The following PRKN variants were observed in gnomAD, a reference collection of about 807,000 sequenced individuals.
The protein encoded by PRKN is E3 ubiquitin-protein ligase parkin.
PRKN carries 56 observed loss-of-function variants against 59.5 expected under a neutral mutation model. That is an observed-to-expected ratio of 0.94 (90% confidence interval 0.76 to 1.18). PRKN has a LOEUF of 1.18. PRKN is among the 50% of genes most tolerant of loss of function. PRKN has a pLI of 0.00. For synonymous variants in PRKN, 250 were observed against 222.1 expected, an observed-to-expected ratio of 1.13 and a Z score of -1.12; for missense variants, 657 against 596.4, an observed-to-expected ratio of 1.10 and a Z score of -1.06.
intron 1 of PRKN, among the ~76,000 whole-genome samples, chr6:162,530,136 A>AT (rs1491461537): frequency 9.4e-6 from 1 of 106,422 alleles, no homozygotes; most frequent in Non-Finnish European, 2.4e-5. Context: ...CTCAGTCTCA[A>AT]TAAAAAAAAA....
chr6:162,073,918 A>T (rs979963531), intron 4 of PRKN, among the ~76,000 whole-genome samples: 13 of 152,336 alleles, frequency 8.5e-5, no homozygotes, highest in Middle Eastern at 3.4e-3. Flanking sequence ...ATGCAAATCA[A>T]AATCACAATG....
intron 1 of PRKN, among the ~76,000 whole-genome samples, chr6:162,444,056 C>T (rs114973086): frequency 0.033 from 5,083 of 152,126 alleles, 294 homozygotes; most frequent in African/African-American, 0.11. Flanking sequence ...GGGGTGGAGA[C>T]ACTAGTGACA....
chr6:162,710,142 CT>C, intron 1 of PRKN, among the ~76,000 whole-genome samples: 1 of 152,208 alleles, frequency 6.6e-6, no homozygotes, highest in East Asian at 1.9e-4. Flanking sequence ...TGATATAGGT[CT>C]TTGTGCGGAC....
At chr6:162,594,770 C>A (rs1224390720) in intron 1 of PRKN, among the ~76,000 whole-genome samples, 1 of 152,216 alleles carries the variant, frequency 6.6e-6, no homozygotes, top group Non-Finnish European at 1.5e-5. Flanking sequence ...CCTGATGTGA[C>A]TGAACATGAT....
At chr6:162,408,539 C>A (rs1037704000) in intron 2 of PRKN, among the ~76,000 whole-genome samples, 1 of 152,052 alleles carries the variant, frequency 6.6e-6, no homozygotes, top group Non-Finnish European at 1.5e-5. Flanking sequence ...TCATTCAAGG[C>A]CTTTAAACCA....
intron 2 of PRKN, among the ~76,000 whole-genome samples, chr6:162,384,627 T>C (rs1182299680): frequency 2.1e-5 from 3 of 142,964 alleles, no homozygotes; most frequent in Non-Finnish European, 4.5e-5. Flanking sequence ...GATACAGGGT[T>C]GCCACAAAGC....
chr6:161,625,768 G>A (rs1783062770), intron 7 of PRKN, among the ~76,000 whole-genome samples: 1 of 152,206 alleles, frequency 6.6e-6, no homozygotes, highest in East Asian at 1.9e-4. Flanking sequence ...GCACACAAGT[G>A]TAAAATTTAA....
At position 161,575,316 on chromosome 6, in the gene PRKN, C is replaced by T. The variant is rs893860221; in HGVS notation, c.872-5900G>A. On this transcript the variant is annotated intron_variant, in intron 7 of 11. Coordinates refer to ENST00000366898, the MANE Select transcript of PRKN (RefSeq NM_004562.3). The surrounding 1 kb of genome is among the most constrained non-coding windows in gnomAD (Gnocchi z 4.6). ...CCATAAAGGTCATTTTATCATCTAA[C>T]GGGGAAGCTCCTCAATGAAAACGCG... is the stretch of plus-strand genomic sequence containing the variant. Among the ~76,000 whole-genome samples, 2 of 152,108 alleles carry T rather than the reference C, an allele frequency of 1.3e-5. No individual in the cohort carries two copies. The highest frequency in any genetic ancestry group is 2.4e-5 in the African/African-American group (1 of 41,422).
At chr6:161,406,322 T>C (rs1015297870) in intron 9 of PRKN, among the ~76,000 whole-genome samples, 23 of 152,056 alleles carry the variant, frequency 1.5e-4, no homozygotes, top group Non-Finnish European at 2.9e-5. Flanking sequence ...GAAGTTTAGT[T>C]TGATGTTATC....
At chr6:161,792,081 T>C (rs545444132) in intron 6 of PRKN, among the ~76,000 whole-genome samples, 1 of 152,304 alleles carries the variant, frequency 6.6e-6, no homozygotes, top group East Asian at 1.9e-4. Context: ...TGGCAGCCAG[T>C]TGGCAAGCCC....
rs1435080030 is a variant in PRKN, at chr6:161,454,355, G to A, written c.1084-67478C>T. 6.6e-6 allele frequency among the ~76,000 whole-genome samples: 1 copy of A among 152,182 alleles called. No homozygotes were observed. Among genetic ancestry groups the A allele is most frequent in the Non-Finnish European group, 1.5e-5 (1 of 68,036 alleles). ...CTTGGGTAATTCTCCATACTCTGAA[G>A]TTCTTGAAGAAGGCACTGGCTGGGG... On this transcript the variant is annotated intron_variant, in intron 9 of 11. Coordinates refer to ENST00000366898, the MANE Select transcript of PRKN (RefSeq NM_004562.3). This position sits in a 1 kb window ranked among gnomAD's most constrained non-coding sequence, Gnocchi z 4.6.
At chr6:161,501,310 G>A (rs1031307527) in intron 9 of PRKN, among the ~76,000 whole-genome samples, 3 of 152,136 alleles carry the variant, frequency 2.0e-5, no homozygotes, top group African/African-American at 7.2e-5. Context: ...TTGGGTTTTG[G>A]CCATTTTAGT....
At chr6:162,015,973 CAAGAT>C (rs1782919349) in intron 5 of PRKN, among the ~76,000 whole-genome samples, 1 of 152,020 alleles carries the variant, frequency 6.6e-6, no homozygotes, top group Non-Finnish European at 1.5e-5. Context: ...CATAAACTGA[CAAGAT>C]AAGTATTCAT....
At chr6:162,452,422 CA>C (rs1191089242) in intron 1 of PRKN, among the ~76,000 whole-genome samples, 1 of 131,556 alleles carries the variant, frequency 7.6e-6, no homozygotes, top group Non-Finnish European at 1.6e-5. Context: ...AATTCTATTC[CA>C]TGGGGAGTTT....
intron 1 of PRKN, among the ~76,000 whole-genome samples, chr6:162,619,172 C>G (rs2846527): frequency 0.54 from 78,854 of 145,094 alleles, 21,757 homozygotes; most frequent in African/African-American, 0.65. Flanking sequence ...GAGATGGAGT[C>G]TCTCTCTGTC....
At chr6:161,667,579 T>C (rs1784768772) in intron 7 of PRKN, among the ~76,000 whole-genome samples, 1 of 152,224 alleles carries the variant, frequency 6.6e-6, no homozygotes, top group Non-Finnish European at 1.5e-5. Flanking sequence ...CAGCCAACTA[T>C]AAACTCCTAG....
chr6:161,829,477 C>A (rs1000655094), intron 6 of PRKN, among the ~76,000 whole-genome samples: 6 of 152,116 alleles, frequency 3.9e-5, no homozygotes, highest in Admixed American at 2.0e-4. Context: ...GCTCTCTGTG[C>A]TCCCTGCGGT....
chr6:161,858,965 G>A (rs969999297), intron 6 of PRKN, among the ~76,000 whole-genome samples: 3 of 147,634 alleles, frequency 2.0e-5, no homozygotes, highest in Admixed American at 1.4e-4. Context: ...GGGTTCAAGC[G>A]ATTCTCCTAT....
intron 4 of PRKN, among the ~76,000 whole-genome samples, chr6:162,128,886 C>A (rs1781230893): frequency 6.6e-6 from 1 of 152,196 alleles, no homozygotes; most frequent in Admixed American, 6.6e-5. Context: ...ACACCTTGAT[C>A]TTGAAGTTCC....
Sources: allele counts gnomAD v4.1 joint callset (sites outside exome capture counted in the v4.1 genomes callset), GRCh38; gene constraint gnomAD v4.1.1; non-coding constraint Gnocchi (gnomAD v3.1); transcripts MANE v1.5; gene names NCBI Gene and HGNC (gene_info 2026-07-23, HGNC 2026-07-21).